Variants in CLRN1 observed in about 807,000 individuals in gnomAD.
CLRN1 encodes clarin-1.
Under a neutral mutation model 18.7 loss-of-function variants are expected in CLRN1, and 15 were observed. The observed-to-expected ratio is 0.80, with a 90% CI of 0.54 to 1.23. CLRN1 has a LOEUF of 1.23. Among genes scored for constraint, CLRN1 ranks in the 50% most tolerant of loss-of-function variants. The probability of loss-of-function intolerance (pLI) is 0.00; values close to 1 mark genes in which losing one functional copy is unlikely to be tolerated. For missense variants in CLRN1, 311 were observed against 277.5 expected (o/e 1.12, Z -0.86); for synonymous variants, 104 against 102.9 (o/e 1.01, Z -0.07).
In CLRN1 at chr3:150,939,741, A is replaced by G. The variant is rs946318043; in HGVS notation, c.433+1841T>C. Among the ~76,000 whole-genome samples, 4 of 152,364 alleles carry G rather than the reference A, an allele frequency of 2.6e-5. No homozygotes were observed. The East Asian group carries it at 7.7e-4, about 29-fold the overall frequency. On this transcript the variant is annotated intron_variant, in intron 2 of 2. Transcript: ENST00000327047. Reference sequence around the variant, plus strand: ...GTTAAAATTCTGTGTAATGGTCATCAGTAAAACAGCACACCACCCGGATCC... The same window carrying G: ...GTTAAAATTCTGTGTAATGGTCATCGGTAAAACAGCACACCACCCGGATCC...
intron 1 of CLRN1, among the ~76,000 whole-genome samples, chr3:150,961,331 C>T (rs1430373109): frequency 1.3e-5 from 2 of 152,162 alleles, no homozygotes; most frequent in Non-Finnish European, 2.9e-5. Context: ...TGCTCAGGTC[C>T]CACCCCCAGA....
rs1269550903 is a variant in CLRN1, at chr3:150,928,149, A to G, written c.486T>C (p.His162=). The part of the protein sequence containing the change: ...MILFASEVKI[H]HLSEKIANYK... The stretch of plus-strand genomic sequence containing the variant: ...AATTTGCAATTTTTTCTGAGAGGTG[A>G]TGGATTTTCACTTCAGAGGCAAACA... Residue 162 remains histidine (H), a synonymous_variant, in exon 3 of 3, where the codon CAT becomes CAC. Coordinates refer to ENST00000327047, the MANE Select transcript of CLRN1 (RefSeq NM_174878.3). 1 of 1,613,802 alleles carries G rather than the reference A, an allele frequency of 6.2e-7. No individual in the cohort carries two copies. The highest frequency in any genetic ancestry group is 8.5e-7 in the Non-Finnish European group (1 of 1,179,984).
chr3:150,949,424 G>A, intron 1 of CLRN1, among the ~76,000 whole-genome samples: 1 of 152,134 alleles, frequency 6.6e-6, no homozygotes. Context: ...AACTAAATCT[G>A]TTTGCAGAGA....
intron 1 of CLRN1, among the ~76,000 whole-genome samples, chr3:150,955,253 G>C (rs748314880): frequency 2.6e-5 from 4 of 152,114 alleles, no homozygotes; most frequent in Non-Finnish European, 5.9e-5. Context: ...AGAGGAGATG[G>C]ACCAAAAAAG....
chr3:150,932,884 T>C (rs1156802753), intron 2 of CLRN1, among the ~76,000 whole-genome samples: 2 of 152,200 alleles, frequency 1.3e-5, no homozygotes, highest in Non-Finnish European at 2.9e-5. Flanking sequence ...TGGTCATGTG[T>C]TTCCAAAGGA....
intron 1 of CLRN1, chr3:150,943,953 C>T: frequency 1.3e-6 from 2 of 1,580,626 alleles, no homozygotes; most frequent in South Asian, 1.1e-5. Context: ...AAATGGGGTA[C>T]CCCTGTTGGG....
intron 1 of CLRN1, among the ~76,000 whole-genome samples, chr3:150,963,902 C>A (rs1715149641): frequency 6.6e-6 from 1 of 152,138 alleles, no homozygotes; most frequent in African/African-American, 2.4e-5. Flanking sequence ...ATACCTTATA[C>A]AAAAATTAAC....
intron 2 of CLRN1, among the ~76,000 whole-genome samples, chr3:150,937,177 G>C (rs1048061784): frequency 1.3e-5 from 2 of 152,208 alleles, no homozygotes; most frequent in Admixed American, 1.3e-4. Flanking sequence ...ATAGCAACCT[G>C]TTTATCACCC....
chr3:150,954,015 T>C (rs1174189287), intron 1 of CLRN1, among the ~76,000 whole-genome samples: 1 of 152,238 alleles, frequency 6.6e-6, no homozygotes, highest in African/African-American at 2.4e-5. Flanking sequence ...TAGCAGAGCA[T>C]AAAAATATAC....
intron 1 of CLRN1, among the ~76,000 whole-genome samples, chr3:150,956,768 G>A (rs1714755445): frequency 6.6e-6 from 1 of 152,096 alleles, no homozygotes; most frequent in South Asian, 2.1e-4. Context: ...CTTAGCCTCT[G>A]ATCTGTGGGC....
At chr3:150,933,411 T>C (rs1309073342) in intron 2 of CLRN1, among the ~76,000 whole-genome samples, 2 of 151,974 alleles carry the variant, frequency 1.3e-5, no homozygotes, top group Middle Eastern at 3.2e-3. Flanking sequence ...GGAGGCCTCA[T>C]AGGGAATATA....
At chr3:150,935,218 T>C (rs1031364175) in intron 2 of CLRN1, among the ~76,000 whole-genome samples, 1 of 151,838 alleles carries the variant, frequency 6.6e-6, no homozygotes, top group African/African-American at 2.4e-5. Context: ...TATGTATACA[T>C]GTGCCATGCT....
At chr3:150,948,063 G>C (rs1036109341) in intron 1 of CLRN1, among the ~76,000 whole-genome samples, 15 of 152,230 alleles carry the variant, frequency 9.9e-5, no homozygotes, top group South Asian at 4.2e-4. Flanking sequence ...TGAACTGAAG[G>C]ATTGATACAT....
At chr3:150,969,124 A>G (rs1007636028) in intron 1 of CLRN1, among the ~76,000 whole-genome samples, 3 of 151,022 alleles carry the variant, frequency 2.0e-5, no homozygotes, top group African/African-American at 7.3e-5. Context: ...AAAAAAAAAC[A>G]ATGTAAAACA....
intron 1 of CLRN1, among the ~76,000 whole-genome samples, chr3:150,951,861 C>T (rs1383783965): frequency 6.6e-6 from 1 of 152,170 alleles, no homozygotes. Context: ...ACTCACTATA[C>T]AGTACCAAGG....
At chr3:150,943,758 G>A in intron 1 of CLRN1, 1 of 1,612,404 alleles carries the variant, frequency 6.2e-7, no homozygotes, top group Non-Finnish European at 8.5e-7. Flanking sequence ...GTCCACAGAT[G>A]GCAGAGCTAC....
intron 1 of CLRN1, among the ~76,000 whole-genome samples, chr3:150,964,237 G>T (rs1576645910): frequency 6.6e-6 from 1 of 152,066 alleles, no homozygotes; most frequent in Admixed American, 6.6e-5. Context: ...CCGTTAAAAA[G>T]TGGGCAAAGG....
intron 2 of CLRN1, among the ~76,000 whole-genome samples, chr3:150,938,619 A>T (rs1344038493): frequency 1.3e-5 from 2 of 152,054 alleles, no homozygotes; most frequent in Non-Finnish European, 2.9e-5. Context: ...ACATTTTGAT[A>T]TTTCAAAATA....
chr3:150,952,546 C>T (rs533522121), intron 1 of CLRN1, among the ~76,000 whole-genome samples: 1 of 152,298 alleles, frequency 6.6e-6, no homozygotes, highest in South Asian at 2.1e-4. Flanking sequence ...CATCATAAGT[C>T]GAGTCACATC....
Sources: gnomAD v4.1 joint callset for allele counts (sites outside exome capture counted in the v4.1 genomes callset) on GRCh38, gnomAD v4.1.1 for gene constraint, MANE v1.5 for transcripts, NCBI Gene and HGNC (gene_info 2026-07-23, HGNC 2026-07-21) for gene names.